Variants in SETBP1 observed in about 807,000 individuals in gnomAD.
SETBP1 encodes the protein SET binding protein 1.
A neutral mutation model predicts 101.0 loss-of-function variants in SETBP1; 9 were observed. The ratio of observed to expected loss-of-function variants is 0.09; its 90% confidence interval spans 0.05 to 0.16. The LOEUF (loss-of-function observed/expected upper bound fraction) is 0.16, where lower values mean the gene tolerates loss of function less well. Ranked by LOEUF, SETBP1 falls within the 10% of genes least tolerant of loss-of-function variation. The pLI, the probability that SETBP1 is intolerant of heterozygous loss-of-function variation, is 1.00. For synonymous variants in SETBP1, 818 were observed against 788.5 expected, an observed-to-expected ratio of 1.04 and a Z score of -0.63; for missense variants, 1,858 against 2,033.8, an observed-to-expected ratio of 0.91 and a Z score of 1.66.
intron 1 of SETBP1, among the ~76,000 whole-genome samples, chr18:44,688,434 C>G (rs2070758993): frequency 6.6e-6 from 1 of 151,578 alleles, no homozygotes; most frequent in Non-Finnish European, 1.5e-5. Flanking sequence ...TTGTTGGTGT[C>G]TCTTTCTGTG....
At chr18:44,861,148 C>A (rs973251765) in intron 2 of SETBP1, among the ~76,000 whole-genome samples, 1 of 152,082 alleles carries the variant, frequency 6.6e-6, no homozygotes, top group African/African-American at 2.4e-5. Flanking sequence ...ACCTCACAAT[C>A]CCCAAGGCCC....
At chr18:44,935,764 T>C (rs1411691358) in intron 3 of SETBP1, among the ~76,000 whole-genome samples, 1 of 152,126 alleles carries the variant, frequency 6.6e-6, no homozygotes, top group East Asian at 1.9e-4. Context: ...GGAAATGACT[T>C]TTGGCCAGGT....
intron 3 of SETBP1, among the ~76,000 whole-genome samples, chr18:44,932,798 G>A (rs2070867435): frequency 6.6e-6 from 1 of 152,044 alleles, no homozygotes; most frequent in Admixed American, 6.6e-5. Context: ...GACTCCTCAG[G>A]TCATTTAAGG....
In SETBP1 at chr18:44,855,298, T is replaced by G. The variant is rs1448551008; in HGVS notation, c.487-13932T>G. Among the ~76,000 whole-genome samples, 3 of 152,254 alleles carry G rather than the reference T, an allele frequency of 2.0e-5. No homozygotes were observed. In the East Asian group the frequency reaches 5.8e-4, roughly 29 times the overall value. ...TCGTTTTGGGGTTTTTATTTGTTTG[T>G]TTTTTGTTTTTGTTTTTGTTTTCAT... On this transcript the variant is annotated intron_variant, in intron 2 of 5. Transcript: ENST00000649279.
At chr18:45,002,649 T>G (rs1168991445) in intron 4 of SETBP1, among the ~76,000 whole-genome samples, 1 of 152,164 alleles carries the variant, frequency 6.6e-6, no homozygotes, top group Non-Finnish European at 1.5e-5. Flanking sequence ...TTGCCTTTGG[T>G]GGGTGCCTTC....
intron 2 of SETBP1, among the ~76,000 whole-genome samples, chr18:44,792,364 C>T (rs1286489070): frequency 2.0e-5 from 3 of 152,298 alleles, no homozygotes; most frequent in East Asian, 1.9e-4. Context: ...TCGAATTCCC[C>T]CTTGCTGCAA....
intron 4 of SETBP1, among the ~76,000 whole-genome samples, chr18:45,029,475 G>C (rs2073243354): frequency 1.3e-5 from 2 of 152,144 alleles, no homozygotes; most frequent in Admixed American, 1.3e-4. Flanking sequence ...TTTTGGCTTA[G>C]GATTGACTTG....
chr18:45,063,329 G>A lies in SETBP1; in HGVS notation c.4422G>A (p.Val1474=), dbSNP rs2145593615. ...AGGACTCCAGAGACCAAATGCCGGTGCTGGAAAAATGCATCGACCTGCCCA... is the reference window on the plus strand; with the variant it reads ...AGGACTCCAGAGACCAAATGCCGGTACTGGAAAAATGCATCGACCTGCCCA... ...FDEDSRDQMP[V]LEKCIDLPSK... Residue 1474 remains valine (V), a synonymous_variant, in exon 6 of 6, where the codon GTG becomes GTA. Coordinates refer to ENST00000649279, the MANE Select transcript of SETBP1 (RefSeq NM_015559.3). 1 of 1,597,206 alleles carries A rather than the reference G, an allele frequency of 6.3e-7. No homozygotes were observed. The highest frequency in any genetic ancestry group is 8.5e-7 in the Non-Finnish European group (1 of 1,171,880).
intron 5 of SETBP1, among the ~76,000 whole-genome samples, chr18:45,052,414 A>G (rs2073737650): frequency 6.6e-6 from 1 of 152,244 alleles, no homozygotes; most frequent in African/African-American, 2.4e-5. Context: ...AGACTGAATT[A>G]TAAACTGAAT....
rs1278544075 is a variant in SETBP1, at chr18:45,067,381, C to T, written c.*3683C>T. On this transcript the variant is annotated 3_prime_UTR_variant, in exon 6 of 6. Coordinates refer to ENST00000649279, the MANE Select transcript of SETBP1 (RefSeq NM_015559.3). The stretch of plus-strand genomic sequence containing the variant: ...TTTGGAGAATATCTTTTTCCTATCA[C>T]TAGAAAGATTTACCTGGGAACTGTC... 6.6e-6 allele frequency: 1 copy of T among 152,112 alleles called. No individual in the cohort carries two copies. Among genetic ancestry groups the T allele is most frequent in the East Asian group, 1.9e-4 (1 of 5,196 alleles). 9.4% of individuals were successfully genotyped at this position (152,112 alleles called of 1,614,324 possible).
Position 45,064,652 on chromosome 18 carries a change from G to A in SETBP1, c.*954G>A, listed in dbSNP as rs1322069530. 2 of 152,006 alleles carry A rather than the reference G, an allele frequency of 1.3e-5. No homozygotes were observed. Among genetic ancestry groups the A allele is most frequent in the Non-Finnish European group, 2.9e-5 (2 of 67,994 alleles). The allele number at this position is 152,006 out of a possible 1,614,324, so 9.4% of individuals were successfully genotyped here. A position where few individuals can be genotyped will look rare whatever the true frequency, so the allele number is the denominator to read the frequency against. On this transcript the variant is annotated 3_prime_UTR_variant, in exon 6 of 6. Coordinates refer to ENST00000649279, the MANE Select transcript of SETBP1 (RefSeq NM_015559.3). The stretch of plus-strand genomic sequence containing the variant: ...TTTTTATACTTAAAACATGTCAGCA[G>A]AGCATAGGCAGAATAAAATGGTTTA...
At chr18:44,995,251 C>G (rs556802269) in intron 4 of SETBP1, among the ~76,000 whole-genome samples, 1 of 149,354 alleles carries the variant, frequency 6.7e-6, no homozygotes, top group East Asian at 2.0e-4. Flanking sequence ...ACGCCATTCT[C>G]CTGCCTCAGC....
chr18:45,033,321 A>G (rs1390565157), intron 4 of SETBP1, among the ~76,000 whole-genome samples: 1 of 152,222 alleles, frequency 6.6e-6, no homozygotes, highest in Non-Finnish European at 1.5e-5. Flanking sequence ...TCGTCCACAC[A>G]TATGATATGT....
chr18:45,051,297 G>A (rs1417433155), intron 5 of SETBP1, among the ~76,000 whole-genome samples: 3 of 151,890 alleles, frequency 2.0e-5, no homozygotes, highest in Non-Finnish European at 4.4e-5. Flanking sequence ...TTGCCGTCTT[G>A]AGTCTGTTCA....
At chr18:44,733,285 T>C (rs2069879242) in intron 2 of SETBP1, 1 of 152,172 alleles carries the variant, frequency 6.6e-6, no homozygotes, top group Non-Finnish European at 1.5e-5. Flanking sequence ...AATTTGGAAG[T>C]TGGGGATGTC....
At chr18:44,723,944 G>A (rs1212876696) in intron 2 of SETBP1, among the ~76,000 whole-genome samples, 1 of 152,182 alleles carries the variant, frequency 6.6e-6, no homozygotes. Context: ...TGCTGCCTGG[G>A]ACCTGAGGGT....
rs1224290959 is a variant in SETBP1 at position 44,899,699 on chromosome 18, A to G, written c.540+30416A>G. On this transcript the variant is annotated intron_variant, in intron 3 of 5. Transcript: ENST00000649279. ...ACAACTTTATTATGCATTGATCTCC[A>G]CAAACTATGTAGCTGGTCCTGACTC... Among the ~76,000 whole-genome samples, 7 of 152,184 alleles carry G rather than the reference A, an allele frequency of 4.6e-5. No individual in the cohort carries two copies. In the East Asian group the frequency reaches 1.2e-3, roughly 25 times the overall value.
intron 4 of SETBP1, among the ~76,000 whole-genome samples, chr18:45,002,976 T>C (rs1231327801): frequency 6.6e-6 from 1 of 152,162 alleles, no homozygotes; most frequent in African/African-American, 2.4e-5. Context: ...TTGGTATATG[T>C]GAGAAACTAG....
chr18:44,706,591 CAAAAAAAAAAAA>C (rs1018470585), intron 2 of SETBP1, among the ~76,000 whole-genome samples: 7 of 16,972 alleles, frequency 4.1e-4, no homozygotes, highest in Admixed American at 1.3e-3. Context: ...GACTCAATCT[CAAAAAAAAAAAA>C]AAAAAAAAAA....
Sources: gnomAD v4.1 joint callset for allele counts (sites outside exome capture counted in the v4.1 genomes callset) on GRCh38, gnomAD v4.1.1 for gene constraint, MANE v1.5 for transcripts, NCBI Gene and HGNC (gene_info 2026-07-23, HGNC 2026-07-21) for gene names.